SPATA6: variants seen among roughly 807,000 people sequenced by gnomAD.
SPATA6 encodes spermatogenesis-associated protein 6.
Under a neutral mutation model 65.3 loss-of-function variants are expected in SPATA6, and 56 were observed. The observed-to-expected ratio is 0.86, with a 90% CI of 0.69 to 1.07. SPATA6 has a LOEUF of 1.07. Ranked by LOEUF, SPATA6 falls within the 50% of genes least tolerant of loss-of-function variation. The pLI is 0.00. For missense variants in SPATA6, 590 were observed against 594.8 expected (o/e 0.99, Z 0.08); for synonymous variants, 199 against 213.2 (o/e 0.93, Z 0.58).
chr1:48,340,140 C>CCTTT (rs1646169405), intron 11 of SPATA6, among the ~76,000 whole-genome samples: 1 of 148,216 alleles, frequency 6.7e-6, no homozygotes, highest in African/African-American at 2.5e-5. Flanking sequence ...AAACAGCTGC[C>CCTTT]AAAGTAGACA....
At chr1:48,369,936 A>C (rs367921062) in intron 9 of SPATA6, among the ~76,000 whole-genome samples, 2 of 152,326 alleles carry the variant, frequency 1.3e-5, no homozygotes, top group East Asian at 1.9e-4. Context: ...CCTCAAAAGG[A>C]AACTTCATAT....
At position 48,411,550 on chromosome 1, in the gene SPATA6, C is replaced by T. The variant is rs367944829; in HGVS notation, c.319G>A (p.Asp107Asn). 1.9e-5 allele frequency: 30 copies of T among 1,609,906 alleles called. No homozygotes were observed. Among genetic ancestry groups the T allele is most frequent in the African/African-American group, 1.3e-4 (10 of 74,862 alleles). The change falls in exon 5 of 13, where the codon GAT (aspartate) becomes AAT (asparagine). Residue 107 changes from aspartate to asparagine, a missense_variant. Physicochemically the swap from Asp to Asn is conservative, Grantham distance 23. Transcript: ENST00000371847. ...TLSTYDENTR[D>N]FMFPGPNQMS... Reference sequence around the variant, plus strand: ...TGGTTTGGACCCGGAAACATGAAATCTCGTGTATTTTCGTCATACGTAGAC... The same window carrying T: ...TGGTTTGGACCCGGAAACATGAAATTTCGTGTATTTTCGTCATACGTAGAC...
chr1:48,370,790 A>G (rs1647217528), intron 9 of SPATA6, among the ~76,000 whole-genome samples: 1 of 152,226 alleles, frequency 6.6e-6, no homozygotes, highest in African/African-American at 2.4e-5. Flanking sequence ...CCAATTATAT[A>G]TGAGGGATCT....
At chr1:48,434,670 A>C (rs1015120061) in intron 3 of SPATA6, among the ~76,000 whole-genome samples, 11 of 152,236 alleles carry the variant, frequency 7.2e-5, no homozygotes, top group African/African-American at 1.7e-4. Flanking sequence ...CAGTATAGTG[A>C]GAGAACATCT....
chr1:48,362,258 A>C (rs1188437971), intron 9 of SPATA6, among the ~76,000 whole-genome samples: 3 of 152,158 alleles, frequency 2.0e-5, no homozygotes, highest in Admixed American at 2.0e-4. Context: ...TGTCTCAAAG[A>C]AAAAGAAAAA....
At chr1:48,440,249 TG>T (rs1406869145) in intron 3 of SPATA6, among the ~76,000 whole-genome samples, 2 of 152,170 alleles carry the variant, frequency 1.3e-5, no homozygotes, top group Non-Finnish European at 2.9e-5. Flanking sequence ...CTTCTCCCTC[TG>T]ATTTACAGCA....
chr1:48,448,278 A>G (rs1023312512), intron 3 of SPATA6, among the ~76,000 whole-genome samples: 1 of 149,544 alleles, frequency 6.7e-6, no homozygotes, highest in African/African-American at 2.5e-5. Flanking sequence ...AAAAAAAAGG[A>G]GAAGCTGAAA....
chr1:48,407,315 A>T (rs995136025), intron 5 of SPATA6, among the ~76,000 whole-genome samples: 13 of 152,150 alleles, frequency 8.5e-5, no homozygotes, highest in Admixed American at 5.9e-4. Flanking sequence ...GTCAGCCAAG[A>T]ATAGGTGGAG....
chr1:48,465,220 C>T (rs1657727678), intron 1 of SPATA6, among the ~76,000 whole-genome samples: 1 of 152,068 alleles, frequency 6.6e-6, no homozygotes, highest in African/African-American at 2.4e-5. Context: ...TGGAGTTAAG[C>T]AGCCACAATC....
At chr1:48,416,260 A>C (rs1652773941) in intron 3 of SPATA6, among the ~76,000 whole-genome samples, 1 of 152,094 alleles carries the variant, frequency 6.6e-6, no homozygotes, top group South Asian at 2.1e-4. Context: ...AAAATACTGA[A>C]CCTATAGAAA....
chr1:48,388,428 A>G (rs1649716630), intron 8 of SPATA6, among the ~76,000 whole-genome samples: 1 of 152,196 alleles, frequency 6.6e-6, no homozygotes, highest in Non-Finnish European at 1.5e-5. Context: ...CAAAGAAAAA[A>G]TGAAAAGCAA....
intron 11 of SPATA6, among the ~76,000 whole-genome samples, chr1:48,347,911 T>TG (rs1296524449): frequency 6.6e-6 from 1 of 151,978 alleles, no homozygotes; most frequent in East Asian, 1.9e-4. Context: ...AACACTCCTG[T>TG]GACTTCATCC....
intron 3 of SPATA6, among the ~76,000 whole-genome samples, chr1:48,416,411 C>T (rs2148001951): frequency 6.6e-6 from 1 of 151,864 alleles, no homozygotes; most frequent in Admixed American, 6.6e-5. Flanking sequence ...AATCAAATTC[C>T]TACAAAAAGA....
At chr1:48,316,058 C>T (rs977800731) in intron 11 of SPATA6, among the ~76,000 whole-genome samples, 2 of 152,204 alleles carry the variant, frequency 1.3e-5, no homozygotes, top group Admixed American at 6.5e-5. Context: ...GAAGAACATT[C>T]CATGCTCACG....
At position 48,469,337 on chromosome 1, in the gene SPATA6, A is replaced by T. The variant is rs755266721; in HGVS notation, c.51+2621T>A. ...TCTAAGTACTCTGTATGTTTGAAAA[A>T]TTTCATTTAAAAAGTTGGGGAGAAA... On this transcript the variant is annotated intron_variant, in intron 1 of 12. Transcript: ENST00000371847. Among the ~76,000 whole-genome samples the T allele has an allele frequency of 1.2e-3, 177 of 152,132 alleles. 1 individual carries two copies. Among genetic ancestry groups the T allele is most frequent in the Non-Finnish European group, 2.1e-3 (142 of 68,012 alleles).
At chr1:48,273,547 T>G in the SPATA6 span, among the ~76,000 whole-genome samples, 1 of 152,172 alleles carries the variant, frequency 6.6e-6, no homozygotes, top group East Asian at 1.9e-4. Context: ...TGTGTCCATG[T>G]GTTCTCATTG....
At chr1:48,291,177 A>G (rs1644764786), downstream of SPATA6, among the ~76,000 whole-genome samples, 1 of 152,192 alleles carries the variant, frequency 6.6e-6, no homozygotes, top group African/African-American at 2.4e-5. Context: ...CCTCGATTTA[A>G]TTTTTGTTAA....
intron 5 of SPATA6, among the ~76,000 whole-genome samples, chr1:48,409,672 G>A (rs191382188): frequency 1.3e-5 from 2 of 152,360 alleles, no homozygotes; most frequent in African/African-American, 4.8e-5. Flanking sequence ...CTAGGCAGAA[G>A]TTCCCAAACC....
At chr1:48,422,263 G>A (rs574342330) in intron 3 of SPATA6, among the ~76,000 whole-genome samples, 25 of 152,316 alleles carry the variant, frequency 1.6e-4, no homozygotes, top group Admixed American at 3.9e-4. Context: ...TCACAGAGAT[G>A]CTAATAAGGC....
Sources: allele counts gnomAD v4.1 joint callset (sites outside exome capture counted in the v4.1 genomes callset), GRCh38; gene constraint gnomAD v4.1.1; transcripts MANE v1.5; gene names NCBI Gene and HGNC (gene_info 2026-07-23, HGNC 2026-07-21).